Variants in ZC3H11A observed in about 807,000 individuals in gnomAD.
ZC3H11A encodes the protein zinc finger CCCH domain-containing protein 11A.
In ZC3H11A, 22 loss-of-function variants were observed where a neutral mutation model predicts 90.8. That is an observed-to-expected ratio of 0.24 (90% confidence interval 0.17 to 0.35). The LOEUF is 0.35. ZC3H11A is among the 10% of genes least tolerant of loss of function. The pLI, the probability that ZC3H11A is intolerant of heterozygous loss-of-function variation, is 1.00. For synonymous variants in ZC3H11A, 294 were observed against 339.8 expected (o/e 0.87, Z 1.48); for missense variants, 701 against 964.9 (o/e 0.73, Z 3.62).
Position 203,850,615 on chromosome 1 carries a change from T to G in ZC3H11A, c.2040T>G (p.Ile680Met). 1 of 1,614,136 alleles carries G rather than the reference T, an allele frequency of 6.2e-7. No homozygotes were observed. The highest frequency in any genetic ancestry group is 1.1e-5 in the South Asian group (1 of 91,080). ...RKAVEMHAAVIAAVKPLSSSS... is the reference protein window; with the variant it reads ...RKAVEMHAAVMAAVKPLSSSS... ...CAGTGGAGATGCACGCTGCTGTCAT[T>G]GCCGCTGTGAAGCCACTCAGCTCCA... Residue 680 changes from isoleucine (I) to methionine (M), a missense_variant, in exon 16 of 18, where the codon ATT becomes ATG. This residue lies in a region of ZC3H11A where 530 missense variants were observed against 696.2 expected (regional missense o/e 0.76). Transcript: ENST00000367210.
chr1:203,817,054 C>G lies in ZC3H11A; in HGVS notation c.-17C>G. ...CTTGTTTCAAGAAGCCACTTCTGAT[C>G]TAAGAATCTACCCAGCATGCCTAAT... On this transcript the variant is annotated 5_prime_UTR_variant, in exon 3 of 18. It adds an upstream start codon to the 5' untranslated region. Coordinates refer to ENST00000367210, the MANE Select transcript of ZC3H11A (RefSeq NM_001376342.1). The G allele has an allele frequency of 6.3e-7, 1 of 1,599,180 alleles. No homozygotes were observed.
At chr1:203,843,518 A>G (rs975927799) in intron 12 of ZC3H11A, among the ~76,000 whole-genome samples, 1 of 151,948 alleles carries the variant, frequency 6.6e-6, no homozygotes, top group African/African-American at 2.4e-5. Context: ...GGAATTGACA[A>G]TTTTTTTCCT....
In ZC3H11A at chr1:203,829,781, T is replaced by C; in HGVS notation, c.504T>C (p.Asp168=). The C allele has an allele frequency of 1.2e-6, 2 of 1,613,842 alleles. No homozygotes were observed. Among genetic ancestry groups the C allele is most frequent in the South Asian group, 1.1e-5 (1 of 91,070 alleles). Reference sequence around the variant, plus strand: ...TTTGCCTTAAATGTTGATATATAGATCAGTTTTCTGAGGAAGGTGATGAAA... The same window carrying C: ...TTTGCCTTAAATGTTGATATATAGACCAGTTTTCTGAGGAAGGTGATGAAA... The part of the protein sequence containing the change: ...NAADDDEDDD[D]QFSEEGDETK... The change falls in exon 7 of 18, where the codon GAT becomes GAC. Residue 168 remains aspartate (D), a splice_region_variant and synonymous_variant. Transcript: ENST00000367210.
intron 7 of ZC3H11A, 37 bp downstream of exon 7, chr1:203,829,933 GTTGAAA>G: frequency 6.4e-7 from 1 of 1,564,524 alleles, no homozygotes; most frequent in Non-Finnish European, 8.8e-7. Flanking sequence ...TTATAGCACT[GTTGAAA>G]CTACCTTTGA....
chr1:203,846,459 C>T (rs1166038750), intron 12 of ZC3H11A, among the ~76,000 whole-genome samples: 6 of 152,100 alleles, frequency 3.9e-5, no homozygotes, highest in Non-Finnish European at 8.8e-5. Context: ...AATTTAATAT[C>T]ATTTCCTTGT....
chr1:203,830,925 A>ATTTTTTTTTTT (rs774771270), intron 8 of ZC3H11A, among the ~76,000 whole-genome samples: 7 of 51,384 alleles, frequency 1.4e-4, no homozygotes, highest in Non-Finnish European at 2.2e-4. Context: ...CCAACCCCCA[A>ATTTTTTTTTTT]TTTTTTTTTT....
At position 203,799,863 on chromosome 1, in the gene ZC3H11A, T is replaced by G. The variant is rs141371082; in HGVS notation, c.-1587-1712T>G. On this transcript the variant is annotated intron_variant, in intron 1 of 17. Transcript: ENST00000367210. ...TTGCTTTAAAAACAGTTTGGAAGAC[T>G]TTTTTCCTCAAGGTGCTGATTTAGA... 3.6e-4 allele frequency: 560 copies of G among 1,535,198 alleles called. 1 individual carries two copies. In the African/African-American group the frequency reaches 6.9e-3, roughly 19 times the overall value.
At chr1:203,843,544 T>G (rs1572328245) in intron 12 of ZC3H11A, among the ~76,000 whole-genome samples, 1 of 152,210 alleles carries the variant, frequency 6.6e-6, no homozygotes, top group South Asian at 2.1e-4. Flanking sequence ...GGGTCGGATA[T>G]AAATAACTTT....
At chr1:203,837,885 A>T (rs910548742) in intron 10 of ZC3H11A, 81 bp from the exon 11 acceptor site, 45 of 1,299,004 alleles carry the variant, frequency 3.5e-5, no homozygotes, top group Non-Finnish European at 4.4e-5. Context: ...GAATTATGCT[A>T]TGTTGTCTGT....
rs1689612252 is a variant in ZC3H11A at position 203,853,133 on chromosome 1, G to A, written c.*734G>A. The A allele has an allele frequency of 6.6e-6, 1 of 151,632 alleles. No homozygotes were observed. Among genetic ancestry groups the A allele is most frequent in the Non-Finnish European group, 1.5e-5 (1 of 67,804 alleles). The allele number at this position is 151,632 out of a possible 1,614,324, so 9.4% of individuals were successfully genotyped here. Reference sequence around the variant, plus strand: ...TTCCCTGGATTCATTATATGAGATGGTGACATGATTAGAGGAATTCTTTTT... The same window carrying A: ...TTCCCTGGATTCATTATATGAGATGATGACATGATTAGAGGAATTCTTTTT... On this transcript the variant is annotated 3_prime_UTR_variant, in exon 18 of 18. Coordinates refer to ENST00000367210, the MANE Select transcript of ZC3H11A (RefSeq NM_001376342.1).
intron 4 of ZC3H11A, 33 bp from the exon 5 acceptor site, chr1:203,828,266 T>A (rs749970428): frequency 6.2e-7 from 1 of 1,613,334 alleles, no homozygotes; most frequent in South Asian, 1.1e-5. Flanking sequence ...ATCACTGTTT[T>A]ATTTGAAAGC....
intron 12 of ZC3H11A, among the ~76,000 whole-genome samples, chr1:203,841,544 T>A (rs1686205224): frequency 6.6e-6 from 1 of 152,248 alleles, no homozygotes; most frequent in South Asian, 2.1e-4. Context: ...GAGTCTCCCA[T>A]GTCTACTTCT....
intron 1 of ZC3H11A, chr1:203,799,065 A>G (rs1405948585): frequency 1.3e-6 from 2 of 1,536,046 alleles, no homozygotes; most frequent in Middle Eastern, 1.7e-4. Flanking sequence ...CAATAATGGC[A>G]GGATCCCCGA....
chr1:203,852,698 G>A lies in ZC3H11A; in HGVS notation c.*299G>A. 2 of 401,054 alleles carry A rather than the reference G, an allele frequency of 5.0e-6. No homozygotes were observed. Among genetic ancestry groups the A allele is most frequent in the Non-Finnish European group, 9.1e-6 (2 of 220,156 alleles). The allele number at this position is 401,054 out of a possible 1,614,324, so 24.8% of individuals were successfully genotyped here. On this transcript the variant is annotated 3_prime_UTR_variant, in exon 18 of 18. Coordinates refer to ENST00000367210, the MANE Select transcript of ZC3H11A (RefSeq NM_001376342.1). ...AGGGAGATCAAGTGAAAGGGTGCAA[G>A]CGAACTTAGTGACTCCTTGAGGTGT... is the stretch of plus-strand genomic sequence containing the variant.
At position 203,841,118 on chromosome 1, in the gene ZC3H11A, C is replaced by T. The variant is rs1267837213; in HGVS notation, c.1042+744C>T. On this transcript the variant is annotated intron_variant, in intron 12 of 17. Transcript: ENST00000367210. ...AGAGAGCACATACCACTTTTGACCTCCTGATTTAGGGCAACATAAGAATCT... is the reference window on the plus strand; with the variant it reads ...AGAGAGCACATACCACTTTTGACCTTCTGATTTAGGGCAACATAAGAATCT... Among the ~76,000 whole-genome samples the T allele has an allele frequency of 6.0e-5, 9 of 149,540 alleles. No individual in the cohort carries two copies. The Admixed American group carries it at 6.0e-4, about 10-fold the overall frequency.
intron 12 of ZC3H11A, among the ~76,000 whole-genome samples, chr1:203,843,043 T>C (rs1363660177): frequency 6.6e-6 from 1 of 152,082 alleles, no homozygotes; most frequent in East Asian, 1.9e-4. Context: ...CCCATCCTTA[T>C]CTCATTTGGA....
chr1:203,804,277 G>C (rs1571922054), intron 2 of ZC3H11A, among the ~76,000 whole-genome samples: 1 of 150,386 alleles, frequency 6.6e-6, no homozygotes, highest in South Asian at 2.1e-4. Flanking sequence ...TCAGCCTCCC[G>C]AGTAGCTGGG....
chr1:203,832,822 G>A (rs72745774), intron 9 of ZC3H11A, among the ~76,000 whole-genome samples: 3,240 of 152,308 alleles, frequency 0.021, 53 homozygotes, highest in Non-Finnish European at 0.034. Flanking sequence ...AGTTAACATC[G>A]GAGTAGAGTA....
Position 203,820,646 on chromosome 1 carries a change from T to A in ZC3H11A, c.174+1957T>A, listed in dbSNP as rs149634414. Among the ~76,000 whole-genome samples, 65 of 151,942 alleles carry A rather than the reference T, an allele frequency of 4.3e-4. No homozygotes were observed. In the East Asian group the frequency reaches 0.012, roughly 29 times the overall value. On this transcript the variant is annotated intron_variant, in intron 4 of 17. Transcript: ENST00000367210. ...GCATGCCTCACCACACCCGTCTAAT[T>A]TTTTGTGTTTTTTAGTAGACACGAG...
Sources: gnomAD v4.1 joint callset for allele counts (sites outside exome capture counted in the v4.1 genomes callset) on GRCh38, gnomAD v4.1.1 for gene constraint, gnomAD v4.1.1 regional missense constraint, MANE v1.5 for transcripts, NCBI Gene and HGNC (gene_info 2026-07-23, HGNC 2026-07-21) for gene names.